CDK4: variants seen among roughly 807,000 people sequenced by gnomAD.
CDK4 encodes cyclin-dependent kinase 4.
Under a neutral mutation model 36.7 loss-of-function variants are expected in CDK4, and 13 were observed. That is an observed-to-expected ratio of 0.35 (90% CI 0.23 to 0.56). The LOEUF (loss-of-function observed/expected upper bound fraction) is 0.56, where lower values mean the gene tolerates loss of function less well. CDK4 is among the 20% of genes least tolerant of loss of function. The probability of loss-of-function intolerance (pLI) is 0.85; values close to 1 mark genes in which losing one functional copy is unlikely to be tolerated. For synonymous variants in CDK4, 158 were observed against 146.4 expected, an observed-to-expected ratio of 1.08 and a Z score of -0.57; for missense variants, 285 against 387.3, an observed-to-expected ratio of 0.74 and a Z score of 2.22.
At position 57,751,140 on chromosome 12, in the gene CDK4, T is replaced by G; in HGVS notation, c.355-50A>C. 1.2e-6 allele frequency: 2 copies of G among 1,614,134 alleles called. No homozygotes were observed. Among genetic ancestry groups the G allele is most frequent in the Non-Finnish European group, 1.7e-6 (2 of 1,180,000 alleles). On this transcript the variant is annotated intron_variant, in intron 3 of 7. Transcript: ENST00000257904. This position sits in a 1 kb window ranked among gnomAD's most constrained non-coding sequence, Gnocchi z 4.5. The stretch of plus-strand genomic sequence containing the variant: ...TGCACTGGAAACTAGGCACCATACC[T>G]GAAATCCCAGAAGGTTCTACTACAA...
Position 57,748,829 on chromosome 12 carries a change from C to T in CDK4, c.820-212G>A, listed in dbSNP as rs542908943. 153 of 568,050 alleles carry T rather than the reference C, an allele frequency of 2.7e-4. 1 individual carries two copies. In the East Asian group the frequency reaches 4.6e-3, roughly 17 times the overall value. 35.2% of individuals were successfully genotyped at this position (568,050 alleles called of 1,614,324 possible). ...GAAGTGATTCTCCTATCTCAGCCTC[C>T]CAAGTAGCTGAGATTACAGGCGTGT... On this transcript the variant is annotated intron_variant, in intron 7 of 7. Transcript: ENST00000257904.
chr12:57,747,747 CT>C lies in CDK4; in HGVS notation c.*777del, dbSNP rs146863045. On this transcript the variant is annotated 3_prime_UTR_variant, in exon 8 of 8. Coordinates refer to ENST00000257904, the MANE Select transcript of CDK4 (RefSeq NM_000075.4). Reference sequence around the variant, plus strand: ...TAAAAGCCATTTAAAAATCTATATTCTTTTTTTTTTTTTGACACAGAGTCTT... The same window carrying C: ...TAAAAGCCATTTAAAAATCTATATTCTTTTTTTTTTTTGACACAGAGTCTT... 0.033 allele frequency: 4,984 copies of C among 150,656 alleles called. 78 individuals are homozygous for C. The highest frequency in any genetic ancestry group is 0.051 in the Non-Finnish European group (3,521 of 68,890). The allele number at this position is 150,656 out of a possible 1,614,324, so 9.3% of individuals were successfully genotyped here.
At chr12:57,749,113 C>T (rs1955197533) in intron 7 of CDK4, 69 bp downstream of exon 7, 1 of 1,590,200 alleles carries the variant, frequency 6.3e-7, no homozygotes. Context: ...TGGCCAGGGC[C>T]CTGCATACTG....
chr12:57,748,468 CAG>C lies in CDK4; in HGVS notation c.*55_*56del. On this transcript the variant is annotated 3_prime_UTR_variant, in exon 8 of 8. Transcript: ENST00000257904. The stretch of plus-strand genomic sequence containing the variant: ...GAGATAAAGGCAAAGATTGCCCTCT[CAG>C]TGTCCAGAAGGGAAATGGCAGCTTT... 8.0e-7 allele frequency: 1 copy of C among 1,246,482 alleles called. No homozygotes were observed. The highest frequency in any genetic ancestry group is 1.5e-5 in the African/African-American group (1 of 67,600). The allele number at this position is 1,246,482 out of a possible 1,614,324, so 77.2% of individuals were successfully genotyped here. A position where few individuals can be genotyped will look rare whatever the true frequency, so the allele number is the denominator to read the frequency against.
In CDK4 at chr12:57,751,620, G is replaced by A; in HGVS notation, c.98C>T (p.Ala33Val). The part of the protein sequence containing the change: ...ARDPHSGHFV[A>V]LKSVRVPNGG... Reference sequence around the variant, plus strand: ...ATTGGGGACTCTCACACTCTTGAGGGCCACAAAGTGGCCACTGTGGGGATC... The same window carrying A: ...ATTGGGGACTCTCACACTCTTGAGGACCACAAAGTGGCCACTGTGGGGATC... Residue 33 changes from alanine to valine, a missense_variant, in exon 2 of 8, where the codon GCC becomes GTC. Coordinates refer to ENST00000257904, the MANE Select transcript of CDK4 (RefSeq NM_000075.4). This position sits in a 1 kb window ranked among gnomAD's most constrained non-coding sequence, Gnocchi z 4.5. The A allele has an allele frequency of 6.2e-7, 1 of 1,614,090 alleles. No homozygotes were observed. The highest frequency in any genetic ancestry group is 8.5e-7 in the Non-Finnish European group (1 of 1,180,012).
Position 57,748,573 on chromosome 12 carries a change from T to A in CDK4, c.864A>T (p.Arg288=), listed in dbSNP as rs1369349270. 3 of 1,613,890 alleles carry A rather than the reference T, an allele frequency of 1.9e-6. No individual in the cohort carries two copies. In the African/African-American group the frequency reaches 4.0e-5, roughly 22 times the overall value. Residue 288 remains arginine, a synonymous_variant, in exon 8 of 8, where the codon CGA becomes CGT. Transcript: ENST00000257904. ...TATGTAGATAAGAGTGCTGCAGAGC[T>A]CGAAAGGCAGAGATTCGCTTGTGTG... is the stretch of plus-strand genomic sequence containing the variant. The part of the protein sequence containing the change: ...FNPHKRISAF[R]ALQHSYLHKD...
Position 57,750,756 on chromosome 12 carries a change from G to A in CDK4, c.532C>T (p.Leu178Phe), listed in dbSNP as rs1030964946. 19 of 1,613,516 alleles carry A rather than the reference G, an allele frequency of 1.2e-5. No homozygotes were observed. Among genetic ancestry groups the A allele is most frequent in the Non-Finnish European group, 1.5e-5 (18 of 1,179,516 alleles). ...QMALTPVVVT[L>F]WYRAPEVLLQ... ...AGAACTTCGGGAGCTCGGTACCAGA[G>A]TGTAACAACCTAAAGGGAATAGGAA... Residue 178 changes from leucine to phenylalanine, a missense_variant, in exon 5 of 8, where the codon CTC becomes TTC. Transcript: ENST00000257904.
rs1439384781 is a variant in CDK4 at position 57,749,281 on chromosome 12, T to C, written c.720A>G (p.Arg240=). 1 of 1,614,150 alleles carries C rather than the reference T, an allele frequency of 6.2e-7. No individual in the cohort carries two copies. The highest frequency in any genetic ancestry group is 1.7e-5 in the Admixed American group (1 of 60,016). The change falls in exon 7 of 8, where the codon CGA becomes CGG. Residue 240 remains arginine (R), a synonymous_variant. Transcript: ENST00000257904. The part of the protein sequence containing the change: ...IGLPPEDDWP[R]DVSLPRGAFP... ...AGGCTCCACGGGGCAGGGATACATC[T>C]CGAGGCCAGTCATCCTCTGGAGGCA...
In CDK4 at chr12:57,748,153, G is replaced by A; in HGVS notation, c.*372C>T. Reference sequence around the variant, plus strand: ...TTAACCAGTCTTTAAGGTTTTGCAGGAAAGTCCCTTCTTCCAAGTGGTTTT... The same window carrying A: ...TTAACCAGTCTTTAAGGTTTTGCAGAAAAGTCCCTTCTTCCAAGTGGTTTT... On this transcript the variant is annotated 3_prime_UTR_variant, in exon 8 of 8. Transcript: ENST00000257904. The A allele has an allele frequency of 2.9e-6, 1 of 347,954 alleles. No homozygotes were observed. The highest frequency in any genetic ancestry group is 4.7e-5 in the East Asian group (1 of 21,368). 21.6% of individuals were successfully genotyped at this position (347,954 alleles called of 1,614,324 possible). A position where few individuals can be genotyped will look rare whatever the true frequency, so the allele number is the denominator to read the frequency against.
At chr12:57,749,410 G>C (rs374401253) in intron 6 of CDK4, 44 bp downstream of exon 6, 1 of 1,613,208 alleles carries the variant, frequency 6.2e-7, no homozygotes, top group Non-Finnish European at 8.5e-7. Flanking sequence ...AGCAGAAAGA[G>C]GACTCAGAAT....
At chr12:57,748,684 C>G (rs1480390187) in intron 7 of CDK4, 67 bp from the exon 8 acceptor site, 2 of 1,020,566 alleles carry the variant, frequency 2.0e-6, no homozygotes, top group South Asian at 1.3e-5. Flanking sequence ...ACAACAATAC[C>G]TGGGATGAGC....
intron 5 of CDK4, chr12:57,750,408 T>C (rs1378700844): frequency 4.4e-6 from 2 of 457,168 alleles, no homozygotes; most frequent in Non-Finnish European, 8.3e-6. Context: ...TCTATAAAAA[T>C]ATTAACAAAC....
At chr12:57,752,113 G>A (rs1955244454) in intron 1 of CDK4, 62 bp downstream of exon 1, 1 of 335,900 alleles carries the variant, frequency 3.0e-6, no homozygotes, top group Non-Finnish European at 5.7e-6. Context: ...CGAAACGAAC[G>A]CGTGGAAAGC....
In CDK4 at chr12:57,748,488, G is replaced by T. The variant is rs2140380803; in HGVS notation, c.*37C>A. The T allele has an allele frequency of 6.9e-7, 1 of 1,455,930 alleles. No individual in the cohort carries two copies. The highest frequency in any genetic ancestry group is 9.6e-7 in the Non-Finnish European group (1 of 1,036,476). The allele number at this position is 1,455,930 out of a possible 1,614,324, so 90.2% of individuals were successfully genotyped here. ...CCTCTCAGTGTCCAGAAGGGAAATGGCAGCTTTTCTTCCTTCCATGGCAGC... is the reference window on the plus strand; with the variant it reads ...CCTCTCAGTGTCCAGAAGGGAAATGTCAGCTTTTCTTCCTTCCATGGCAGC... On this transcript the variant is annotated 3_prime_UTR_variant, in exon 8 of 8. Coordinates refer to ENST00000257904, the MANE Select transcript of CDK4 (RefSeq NM_000075.4).
intron 7 of CDK4, chr12:57,748,939 C>G: frequency 1.7e-6 from 1 of 585,956 alleles, no homozygotes; most frequent in East Asian, 3.0e-5. Context: ...CTCCTGACCT[C>G]AGGTGATACG....
At chr12:57,749,361 C>G (rs1955203879) in intron 6 of CDK4, 44 bp from the exon 7 acceptor site, 1 of 1,613,982 alleles carries the variant, frequency 6.2e-7, no homozygotes, top group Non-Finnish European at 8.5e-7. Context: ...TCCTCCAGTT[C>G]CCATCCCCAT....
intron 5 of CDK4, chr12:57,750,390 A>AC (rs965082076): frequency 1.7e-5 from 7 of 423,206 alleles, no homozygotes; most frequent in African/African-American, 1.4e-4. Context: ...ATATACTGAG[A>AC]CCCCATCTCT....
At position 57,749,248 on chromosome 12, in the gene CDK4, G is replaced by C. The variant is rs757333818; in HGVS notation, c.753C>G (p.Pro251=). The C allele has an allele frequency of 9.3e-6, 15 of 1,613,934 alleles. No individual in the cohort carries two copies. The highest frequency in any genetic ancestry group is 1.2e-5 in the Non-Finnish European group (14 of 1,179,914). ...DVSLPRGAFP[P]RGPRPVQSVV... is the part of the protein sequence containing the mutation. ...CCGACTGCACTGGGCGGGGCCCTCTGGGGGGAAAGGCTCCACGGGGCAGGG... is the reference window on the plus strand; with the variant it reads ...CCGACTGCACTGGGCGGGGCCCTCTCGGGGGAAAGGCTCCACGGGGCAGGG... The change falls in exon 7 of 8, where the codon CCC becomes CCG. Residue 251 remains proline (P), a synonymous_variant. Coordinates refer to ENST00000257904, the MANE Select transcript of CDK4 (RefSeq NM_000075.4).
At position 57,749,224 on chromosome 12, in the gene CDK4, C is replaced by T. The variant is rs3211622; in HGVS notation, c.777G>A (p.Ser259=). Residue 259 remains serine (S), a synonymous_variant, in exon 7 of 8, where the codon TCG becomes TCA. Transcript: ENST00000257904. ...CCGACTCCTCCATCTCAGGTACCACCGACTGCACTGGGCGGGGCCCTCTGG... is the reference window on the plus strand; with the variant it reads ...CCGACTCCTCCATCTCAGGTACCACTGACTGCACTGGGCGGGGCCCTCTGG... ...FPPRGPRPVQ[S]VVPEMEESGA... 22 of 1,613,926 alleles carry T rather than the reference C, an allele frequency of 1.4e-5. No homozygotes were observed. The highest frequency in any genetic ancestry group is 4.0e-5 in the African/African-American group (3 of 74,942).
Sources: allele counts gnomAD v4.1 joint callset, GRCh38; gene constraint gnomAD v4.1.1; non-coding constraint Gnocchi (gnomAD v3.1); transcripts MANE v1.5; gene names NCBI Gene and HGNC (gene_info 2026-07-23, HGNC 2026-07-21).